Variants in MAP2K5 observed in about 807,000 individuals in gnomAD.
The protein encoded by MAP2K5 is mitogen-activated protein kinase kinase 5, also known as dual specificity mitogen-activated protein kinase kinase 5.
Under a neutral mutation model 83.1 loss-of-function variants are expected in MAP2K5, and 49 were observed. That is an observed-to-expected ratio of 0.59 (90% CI 0.47 to 0.75). The LOEUF (loss-of-function observed/expected upper bound fraction) is 0.75, where lower values mean the gene tolerates loss of function less well. MAP2K5 is among the 30% of genes least tolerant of loss of function. The pLI is 0.00. For synonymous variants in MAP2K5, 202 were observed against 191.8 expected, an observed-to-expected ratio of 1.05 and a Z score of -0.44; for missense variants, 457 against 557.5, an observed-to-expected ratio of 0.82 and a Z score of 1.82.
At position 67,782,745 on chromosome 15, in the gene MAP2K5, ACT is replaced by A. The variant is rs1464308777; in HGVS notation, c.1242+9996_1242+9997del. The stretch of plus-strand genomic sequence containing the variant: ...TTGCCTCTGGAATACTCTCGCTCTA[ACT>A]CTGGGGAAGGCAGATCGGCAACCCT... On this transcript the variant is annotated intron_variant, in intron 21 of 21. Coordinates refer to ENST00000178640, the MANE Select transcript of MAP2K5 (RefSeq NM_145160.3). The surrounding 1 kb of genome is among the most constrained non-coding windows in gnomAD (Gnocchi z 4.9). Among the ~76,000 whole-genome samples, 1 of 152,104 alleles carries A rather than the reference ACT, an allele frequency of 6.6e-6. No individual in the cohort carries two copies. The highest frequency in any genetic ancestry group is 1.5e-5 in the Non-Finnish European group (1 of 68,010).
At chr15:67,799,692 A>G (rs2090667117) in intron 21 of MAP2K5, among the ~76,000 whole-genome samples, 1 of 152,252 alleles carries the variant, frequency 6.6e-6, no homozygotes, top group African/African-American at 2.4e-5. Flanking sequence ...GAGGCTCAGC[A>G]TGAGATGGCA....
At chr15:67,766,195 T>C (rs997726048) in intron 19 of MAP2K5, among the ~76,000 whole-genome samples, 2 of 152,218 alleles carry the variant, frequency 1.3e-5, no homozygotes, top group African/African-American at 4.8e-5. Context: ...AGACCCAGCT[T>C]GTGTCCCTTC....
chr15:67,586,885 G>T lies in MAP2K5; in HGVS notation c.403G>T (p.Ala135Ser), dbSNP rs2085303249. Reference sequence around the variant, plus strand: ...CGGACCCTCTCAACACAGCAGCCCAGCAGTCTCAGATTCACTTCCAAGCAA... The same window carrying T: ...CGGACCCTCTCAACACAGCAGCCCATCAGTCTCAGATTCACTTCCAAGCAA... The part of the protein sequence containing the change: ...RAGPSQHSSP[A>S]VSDSLPSNSL... The change falls in exon 6 of 22, where the codon GCA (alanine) becomes TCA (serine). Residue 135 changes from alanine (A) to serine (S), a missense_variant. Physicochemically the swap from Ala to Ser is moderately conservative, Grantham distance 99 (BLOSUM62 1). Coordinates refer to ENST00000178640, the MANE Select transcript of MAP2K5 (RefSeq NM_145160.3). The T allele has an allele frequency of 1.9e-6, 3 of 1,614,054 alleles. No individual in the cohort carries two copies. The highest frequency in any genetic ancestry group is 1.7e-6 in the Non-Finnish European group (2 of 1,180,042).
In MAP2K5 at chr15:67,586,698, T is replaced by G. The variant is rs963408270; in HGVS notation, c.364-148T>G. 6 of 729,776 alleles carry G rather than the reference T, an allele frequency of 8.2e-6. No homozygotes were observed. The African/African-American group carries it at 8.6e-5, about 11-fold the overall frequency. 45.2% of individuals were successfully genotyped at this position (729,776 alleles called of 1,614,324 possible). A position where few individuals can be genotyped will look rare whatever the true frequency, so the allele number is the denominator to read the frequency against. ...ATGGGTTATACGGTTTTGTAACCTA[T>G]ATACTGAATAGACTCCAACTGTGGG... On this transcript the variant is annotated intron_variant, in intron 5 of 21. Coordinates refer to ENST00000178640, the MANE Select transcript of MAP2K5 (RefSeq NM_145160.3).
intron 1 of MAP2K5, chr15:67,546,429 A>G (rs890019311): frequency 5.4e-6 from 1 of 184,430 alleles, no homozygotes; most frequent in African/African-American, 2.4e-5. Context: ...GCCATAACTG[A>G]GTGTCTCGGA....
At chr15:67,584,206 G>C (rs1387909222) in intron 4 of MAP2K5, among the ~76,000 whole-genome samples, 1 of 152,184 alleles carries the variant, frequency 6.6e-6, no homozygotes, top group African/African-American at 2.4e-5. Flanking sequence ...TTCCTGACCC[G>C]ATAACTTTAG....
rs71142390 is a variant in MAP2K5 at position 67,634,367 on chromosome 15, C to CAAAAAAAAAAAAAAAAAAAAAA, written c.585+3461_585+3482dup. Among the ~76,000 whole-genome samples, 18 of 48,578 alleles carry CAAAAAAAAAAAAAAAAAAAAAA rather than the reference C, an allele frequency of 3.7e-4. 3 individuals are homozygous for CAAAAAAAAAAAAAAAAAAAAAA. The highest frequency in any genetic ancestry group is 6.5e-4 in the Non-Finnish European group (16 of 24,804). The allele number at this position is 48,578 out of a possible 152,430, so 31.9% of individuals were successfully genotyped here. A position where few individuals can be genotyped will look rare whatever the true frequency, so the allele number is the denominator to read the frequency against. ...TGGGTGACAGAGTAAGACCTCATCT[C>CAAAAAAAAAAAAAAAAAAAAAA]AAAAAAAAAAAAAAAAAAAAAAAAA... On this transcript the variant is annotated intron_variant, in intron 9 of 21. Coordinates refer to ENST00000178640, the MANE Select transcript of MAP2K5 (RefSeq NM_145160.3).
Position 67,777,263 on chromosome 15 carries a change from A to C in MAP2K5, c.1242+4511A>C, listed in dbSNP as rs1330378391. On this transcript the variant is annotated intron_variant, in intron 21 of 21. Coordinates refer to ENST00000178640, the MANE Select transcript of MAP2K5 (RefSeq NM_145160.3). This position sits in a 1 kb window ranked among gnomAD's most constrained non-coding sequence, Gnocchi z 6.0. The stretch of plus-strand genomic sequence containing the variant: ...AGCCTGATTGTGGGCCTTAACTTGA[A>C]CGGGGAAGGTGTGGGCTGTGGGCAC... Among the ~76,000 whole-genome samples the C allele has an allele frequency of 6.6e-6, 1 of 152,134 alleles. No individual in the cohort carries two copies. Among genetic ancestry groups the C allele is most frequent in the African/African-American group, 2.4e-5 (1 of 41,420 alleles).
chr15:67,804,140 G>A (rs532069350), intron 21 of MAP2K5, among the ~76,000 whole-genome samples: 4 of 152,218 alleles, frequency 2.6e-5, no homozygotes, highest in Non-Finnish European at 5.9e-5. Flanking sequence ...GTGCCGTCAC[G>A]ACCCCCCGCC....
At chr15:67,646,517 T>G (rs1252900580) in intron 11 of MAP2K5, 48 bp downstream of exon 11, 1 of 1,114,154 alleles carries the variant, frequency 9.0e-7, no homozygotes, top group East Asian at 2.4e-5. Context: ...TTAGAGTATA[T>G]AGTGCTTTAA....
chr15:67,596,017 G>T (rs1260256039), intron 7 of MAP2K5, among the ~76,000 whole-genome samples: 1 of 151,354 alleles, frequency 6.6e-6, no homozygotes, highest in Non-Finnish European at 1.5e-5. Flanking sequence ...GGAGAGGGTG[G>T]CAGTATTTTC....
rs572347914 is a variant in MAP2K5, at chr15:67,695,793, T to C, written c.972+2225T>C. On this transcript the variant is annotated intron_variant, in intron 15 of 21. Transcript: ENST00000178640. ...TTTGTTTATGGATGAATGTGATGCATCCATCTGTTAATTGAAAATGTGAGG... is the reference window on the plus strand; with the variant it reads ...TTTGTTTATGGATGAATGTGATGCACCCATCTGTTAATTGAAAATGTGAGG... Among the ~76,000 whole-genome samples, 40 of 152,362 alleles carry C rather than the reference T, an allele frequency of 2.6e-4. 2 individuals are homozygous for C. In the South Asian group the frequency reaches 8.3e-3, roughly 32 times the overall value.
chr15:67,771,754 C>G (rs2090146799), intron 20 of MAP2K5, among the ~76,000 whole-genome samples: 1 of 152,184 alleles, frequency 6.6e-6, no homozygotes, highest in Non-Finnish European at 1.5e-5. Flanking sequence ...ATCATTAAAT[C>G]TATTTTTAAA....
At chr15:67,581,318 T>G (rs2085176120) in intron 4 of MAP2K5, among the ~76,000 whole-genome samples, 1 of 152,236 alleles carries the variant, frequency 6.6e-6, no homozygotes, top group South Asian at 2.1e-4. Flanking sequence ...AATGGAAATT[T>G]GATTATCTCC....
intron 8 of MAP2K5, among the ~76,000 whole-genome samples, chr15:67,623,186 G>T (rs2086227356): frequency 6.6e-6 from 1 of 152,202 alleles, no homozygotes; most frequent in East Asian, 1.9e-4. Context: ...AACCCAAGGA[G>T]AATGAAAACT....
chr15:67,731,220 C>T (rs966311825), intron 17 of MAP2K5, among the ~76,000 whole-genome samples: 9 of 152,164 alleles, frequency 5.9e-5, no homozygotes, highest in African/African-American at 2.2e-4. Flanking sequence ...GTCTTTCCCC[C>T]AGCTCAGTGT....
At position 67,631,079 on chromosome 15, in the gene MAP2K5, G is replaced by A. The variant is rs1259884784; in HGVS notation, c.585+152G>A. On this transcript the variant is annotated intron_variant, in intron 9 of 21. Coordinates refer to ENST00000178640, the MANE Select transcript of MAP2K5 (RefSeq NM_145160.3). The stretch of plus-strand genomic sequence containing the variant: ...AGCTGTGGCTCTCTGGTGACATTCA[G>A]ACACCTGAAGATCTTTTAAGTATGC... The A allele has an allele frequency of 1.8e-5, 11 of 610,610 alleles. No individual in the cohort carries two copies. The Admixed American group carries it at 3.6e-4, about 20-fold the overall frequency. 37.8% of individuals were successfully genotyped at this position (610,610 alleles called of 1,614,324 possible).
At chr15:67,715,074 G>A (rs937255236) in intron 16 of MAP2K5, among the ~76,000 whole-genome samples, 4 of 152,172 alleles carry the variant, frequency 2.6e-5, no homozygotes, top group African/African-American at 7.2e-5. Flanking sequence ...AGGAAAGTGG[G>A]GAGGATGTAA....
At position 67,644,546 on chromosome 15, in the gene MAP2K5, A is replaced by G. The variant is rs1407894624; in HGVS notation, c.586-1685A>G. On this transcript the variant is annotated intron_variant, in intron 9 of 21. Transcript: ENST00000178640. This position sits in a 1 kb window ranked among gnomAD's most constrained non-coding sequence, Gnocchi z 4.6. ...CTAGATAAGTTTATAAATATTTTAT[A>G]TTTATGGGTTATAAATCACTGTGGG... 3.3e-5 allele frequency among the ~76,000 whole-genome samples: 5 copies of G among 152,186 alleles called. No individual in the cohort carries two copies. Among genetic ancestry groups the G allele is most frequent in the South Asian group, 2.1e-4 (1 of 4,832 alleles).
Sources: gnomAD v4.1 joint callset for allele counts (sites outside exome capture counted in the v4.1 genomes callset) on GRCh38, gnomAD v4.1.1 for gene constraint, Gnocchi (gnomAD v3.1) non-coding constraint, MANE v1.5 for transcripts, NCBI Gene and HGNC (gene_info 2026-07-23, HGNC 2026-07-21) for gene names.